SLC25A48: variants seen among roughly 807,000 people sequenced by gnomAD.
SLC25A48 encodes the protein CTC-321K16.1.
Under a neutral mutation model 32.2 loss-of-function variants are expected in SLC25A48, and 29 were observed. The ratio of observed to expected loss-of-function variants is 0.90; its 90% confidence interval spans 0.67 to 1.23. The LOEUF is 1.23. SLC25A48 is among the 50% of genes most tolerant of loss of function. SLC25A48 has a pLI of 0.00. For missense variants in SLC25A48, 399 were observed against 422.7 expected (o/e 0.94, Z 0.49); for synonymous variants, 164 against 172.3 (o/e 0.95, Z 0.38).
intron 4 of SLC25A48, among the ~76,000 whole-genome samples, chr5:135,855,075 C>G (rs772545053): frequency 6.6e-6 from 1 of 152,190 alleles, no homozygotes; most frequent in African/African-American, 2.4e-5. Flanking sequence ...TATATGGACA[C>G]AGCTTGTTGT....
At chr5:135,584,663 A>T (rs1049601847) in intron 1 of SLC25A48, among the ~76,000 whole-genome samples, 3 of 152,222 alleles carry the variant, frequency 2.0e-5, no homozygotes, top group African/African-American at 7.2e-5. Flanking sequence ...AAATTCTCAT[A>T]ATGGAGAAAT....
rs115008026 is a variant in SLC25A48, at chr5:135,850,286, C to T, written c.91-139C>T. 967 of 750,288 alleles carry T rather than the reference C, an allele frequency of 1.3e-3. 12 individuals are homozygous for T. The African/African-American group carries it at 0.015, about 11-fold the overall frequency. 46.5% of individuals were successfully genotyped at this position (750,288 alleles called of 1,614,324 possible). ...GGCAGTGCAAGCTGGAGACAGGGCACCAGCCTGGCCAGGACTGAAACCCAG... is the reference window on the plus strand; with the variant it reads ...GGCAGTGCAAGCTGGAGACAGGGCATCAGCCTGGCCAGGACTGAAACCCAG... On this transcript the variant is annotated intron_variant, in intron 2 of 7. Coordinates refer to ENST00000681962, the MANE Select transcript of SLC25A48 (RefSeq NM_001349336.2).
At chr5:135,684,923 C>A (rs184750930) in intron 3 of SLC25A48, among the ~76,000 whole-genome samples, 2 of 152,194 alleles carry the variant, frequency 1.3e-5, no homozygotes, top group Non-Finnish European at 2.9e-5. Flanking sequence ...CATAGACATG[C>A]AAGTAGTCAA....
chr5:135,664,084 A>C (rs1753467539), intron 3 of SLC25A48, among the ~76,000 whole-genome samples: 2 of 152,188 alleles, frequency 1.3e-5, no homozygotes, highest in South Asian at 4.1e-4. Flanking sequence ...TTTTTCCATG[A>C]CATCCCATTG....
chr5:135,819,058 A>T (rs1432253336), intron 4 of SLC25A48, among the ~76,000 whole-genome samples: 2 of 152,110 alleles, frequency 1.3e-5, no homozygotes, highest in African/African-American at 2.4e-5. Context: ...GTTAAGAAAC[A>T]AATGAGCAGA....
chr5:135,635,798 C>A (rs964319889), intron 3 of SLC25A48, among the ~76,000 whole-genome samples: 3 of 152,152 alleles, frequency 2.0e-5, no homozygotes, highest in Admixed American at 2.0e-4. Flanking sequence ...TCCTGCATAC[C>A]ACTGCTTTAA....
chr5:135,716,374 T>C (rs185650509), intron 3 of SLC25A48, among the ~76,000 whole-genome samples: 1 of 152,196 alleles, frequency 6.6e-6, no homozygotes, highest in African/African-American at 2.4e-5. Context: ...AACACATTTA[T>C]ATGGGCCAGC....
At chr5:135,742,390 G>C in intron 3 of SLC25A48, 1 of 1,223,996 alleles carries the variant, frequency 8.2e-7, no homozygotes, top group Non-Finnish European at 1.1e-6. Context: ...CTAGGAATCC[G>C]TTATTTAATA....
At chr5:135,752,777 T>G (rs1580842222) in intron 3 of SLC25A48, among the ~76,000 whole-genome samples, 1 of 152,130 alleles carries the variant, frequency 6.6e-6, no homozygotes, top group Non-Finnish European at 1.5e-5. Context: ...TTATGAATAA[T>G]GTCACTGGGT....
chr5:135,815,760 G>C (rs867145492), intron 4 of SLC25A48, among the ~76,000 whole-genome samples: 1 of 152,150 alleles, frequency 6.6e-6, no homozygotes, highest in African/African-American at 2.4e-5. Flanking sequence ...CCTTCCCAGA[G>C]TGCAGATATT....
At chr5:135,635,440 A>G (rs559869684) in intron 3 of SLC25A48, among the ~76,000 whole-genome samples, 2 of 152,344 alleles carry the variant, frequency 1.3e-5, no homozygotes, top group African/African-American at 4.8e-5. Flanking sequence ...AACAGCAACA[A>G]TCCCAGGCAT....
chr5:135,687,234 T>C (rs891485326), intron 3 of SLC25A48, among the ~76,000 whole-genome samples: 2 of 152,188 alleles, frequency 1.3e-5, no homozygotes, highest in Non-Finnish European at 2.9e-5. Context: ...TACCTACAGA[T>C]TGGGTGAGAA....
intron 2 of SLC25A48, among the ~76,000 whole-genome samples, chr5:135,630,276 AG>A (rs1227689057): frequency 6.6e-6 from 1 of 152,136 alleles, no homozygotes; most frequent in African/African-American, 2.4e-5. Flanking sequence ...CTGTAATCCC[AG>A]GAGGCCTCCT....
chr5:135,783,095 T>A (rs1756756499), intron 3 of SLC25A48, among the ~76,000 whole-genome samples: 1 of 108,512 alleles, frequency 9.2e-6, no homozygotes, highest in African/African-American at 2.8e-5. Flanking sequence ...CACAGCACAG[T>A]TACAACCCCC....
chr5:135,852,534 AC>A (rs778827883), intron 3 of SLC25A48, 28 bp from the exon 4 acceptor site: 1 of 1,570,880 alleles, frequency 6.4e-7, no homozygotes, highest in Non-Finnish European at 8.7e-7. Context: ...CGGGGTCCTC[AC>A]GCCTCTTCCT....
chr5:135,690,619 G>A (rs1352668155), intron 3 of SLC25A48, among the ~76,000 whole-genome samples: 3 of 152,202 alleles, frequency 2.0e-5, no homozygotes, highest in African/African-American at 7.2e-5. Context: ...TGTGCCATCA[G>A]CTGAGCCCTC....
intron 2 of SLC25A48, among the ~76,000 whole-genome samples, chr5:135,845,622 G>A (rs1277293174): frequency 6.6e-6 from 1 of 152,186 alleles, no homozygotes; most frequent in Non-Finnish European, 1.5e-5. Context: ...ACCTTCCTGA[G>A]CCTTGAATTC....
intron 4 of SLC25A48, among the ~76,000 whole-genome samples, chr5:135,816,280 T>A (rs919627105): frequency 6.6e-6 from 1 of 152,244 alleles, no homozygotes; most frequent in African/African-American, 2.4e-5. Context: ...ATATCAGATG[T>A]GGTAACTATA....
chr5:135,748,745 T>C (rs1317178986), intron 3 of SLC25A48, among the ~76,000 whole-genome samples: 1 of 136,036 alleles, frequency 7.4e-6, no homozygotes, highest in Non-Finnish European at 1.6e-5. Context: ...TTTTTTGAGA[T>C]GGAGTCTCTG....
Sources: allele counts gnomAD v4.1 joint callset (sites outside exome capture counted in the v4.1 genomes callset), GRCh38; gene constraint gnomAD v4.1.1; transcripts MANE v1.5; gene names NCBI Gene and HGNC (gene_info 2026-07-23, HGNC 2026-07-21).